The following TRANK1 variants were observed in gnomAD, a reference collection of about 807,000 sequenced individuals.
TRANK1 encodes TPR and ankyrin repeat-containing protein 1.
In TRANK1, 198 loss-of-function variants were observed where a neutral mutation model predicts 266.0. That is an observed-to-expected ratio of 0.74 (90% CI 0.66 to 0.84). TRANK1 has a LOEUF of 0.84. Ranked by LOEUF, TRANK1 falls within the 40% of genes least tolerant of loss-of-function variation. TRANK1 has a pLI of 0.00. For synonymous variants in TRANK1, 1,396 were observed against 1,384.1 expected (o/e 1.01, Z -0.19); for missense variants, 3,326 against 3,634.6 (o/e 0.92, Z 2.18).
intron 10 of TRANK1, among the ~76,000 whole-genome samples, chr3:36,862,488 T>G (rs949309212): frequency 6.6e-6 from 1 of 152,206 alleles, no homozygotes; most frequent in African/African-American, 2.4e-5. Context: ...ATTTGCAATT[T>G]TTGTCCCCGG....
chr3:36,879,765 T>C (rs2079464587), intron 8 of TRANK1, among the ~76,000 whole-genome samples: 1 of 104,756 alleles, frequency 9.5e-6, no homozygotes, highest in Non-Finnish European at 1.8e-5. Flanking sequence ...TATATAAATA[T>C]ATATAAATAT....
At chr3:36,888,309 A>G (rs538539138) in intron 8 of TRANK1, among the ~76,000 whole-genome samples, 1 of 152,298 alleles carries the variant, frequency 6.6e-6, no homozygotes, top group Non-Finnish European at 1.5e-5. Flanking sequence ...AGAGACAAAA[A>G]GTGGTGATTG....
In TRANK1 at chr3:36,856,977, A is replaced by G. The variant is rs1359571034; in HGVS notation, c.2745T>C (p.Pro915=). Reference sequence around the variant, plus strand: ...TCTGCTCCGTGGCAATGATCTTCTCAGGGTTCTCACTGCATCGAGGGGAGA... The same window carrying G: ...TCTGCTCCGTGGCAATGATCTTCTCGGGGTTCTCACTGCATCGAGGGGAGA... The part of the protein sequence containing the change: ...IDFSPRCSEN[P]EKIIATEQNT... Residue 915 remains proline, a synonymous_variant, in exon 13 of 24, where the codon CCT becomes CCC. Coordinates refer to ENST00000645898, the MANE Select transcript of TRANK1 (RefSeq NM_001329998.2). 6.2e-7 allele frequency: 1 copy of G among 1,613,578 alleles called. No individual in the cohort carries two copies. Among genetic ancestry groups the G allele is most frequent in the African/African-American group, 1.3e-5 (1 of 74,850 alleles).
intron 20 of TRANK1, among the ~76,000 whole-genome samples, chr3:36,837,366 G>A (rs559284564): frequency 4.3e-4 from 66 of 152,160 alleles, no homozygotes; most frequent in Admixed American, 8.5e-4. Flanking sequence ...CCTCTTCTTC[G>A]CATTGACTTG....
At chr3:36,898,876 C>T (rs905863386) in intron 4 of TRANK1, among the ~76,000 whole-genome samples, 1 of 150,802 alleles carries the variant, frequency 6.6e-6, no homozygotes, top group African/African-American at 2.5e-5. Flanking sequence ...AATCTGAAAC[C>T]AAACTCTCAA....
intron 1 of TRANK1, among the ~76,000 whole-genome samples, chr3:36,914,372 T>C (rs2080096434): frequency 1.3e-5 from 2 of 151,684 alleles, no homozygotes; most frequent in Non-Finnish European, 2.9e-5. Context: ...TGAGCTCAAG[T>C]GAGCGCTCAG....
intron 3 of TRANK1, among the ~76,000 whole-genome samples, 159 bp from the exon 4 acceptor site, chr3:36,899,418 A>T (rs971932444): frequency 5.3e-5 from 8 of 152,250 alleles, no homozygotes; most frequent in Non-Finnish European, 4.4e-5. Context: ...ATTCCGAGAG[A>T]TCAAGGCAGG....
At chr3:36,877,231 T>C (rs2079403154) in intron 8 of TRANK1, among the ~76,000 whole-genome samples, 1 of 152,228 alleles carries the variant, frequency 6.6e-6, no homozygotes, top group Non-Finnish European at 1.5e-5. Context: ...TAGCACATCT[T>C]AAACATATAC....
intron 1 of TRANK1, among the ~76,000 whole-genome samples, chr3:36,918,391 C>G (rs770460895): frequency 2.7e-5 from 4 of 150,402 alleles, no homozygotes; most frequent in East Asian, 3.9e-4. Context: ...AGATGGCAAA[C>G]TATGTTTTGT....
At chr3:36,877,045 C>T (rs545884568) in intron 8 of TRANK1, among the ~76,000 whole-genome samples, 54 of 152,296 alleles carry the variant, frequency 3.5e-4, no homozygotes, top group Non-Finnish European at 7.4e-4. Flanking sequence ...CCAACTGACA[C>T]TGCAATTTTT....
intron 8 of TRANK1, among the ~76,000 whole-genome samples, chr3:36,885,502 C>T (rs915989921): frequency 3.3e-5 from 5 of 152,114 alleles, no homozygotes; most frequent in African/African-American, 2.4e-5. Flanking sequence ...AGAAAAGGTA[C>T]GTTAGTGAAA....
intron 8 of TRANK1, among the ~76,000 whole-genome samples, chr3:36,879,839 CAAATATATGTAAAT>C (rs1559448978): frequency 5.1e-5 from 5 of 97,644 alleles, no homozygotes; most frequent in South Asian, 3.0e-4. Flanking sequence ...TGTAAATATA[CAAATATATGTAAAT>C]ATACAAATAT....
At chr3:36,870,949 T>A in intron 9 of TRANK1, among the ~76,000 whole-genome samples, 1 of 126,198 alleles carries the variant, frequency 7.9e-6, no homozygotes. Context: ...AGGATTGTAT[T>A]ATACAAGGAA....
rs1443824494 is a variant in TRANK1, at chr3:36,864,411, T to C, written c.1148A>G (p.Lys383Arg). 1.3e-6 allele frequency: 2 copies of C among 1,537,036 alleles called. No homozygotes were observed. The highest frequency in any genetic ancestry group is 2.0e-5 in the Admixed American group (1 of 50,960). The change falls in exon 10 of 24, where the codon AAG becomes AGG. Residue 383 changes from lysine to arginine, a missense_variant. Lys to Arg is a conservative substitution (Grantham distance 26). Transcript: ENST00000645898. ...IFRKVLEQLV[K>R]YMNSGNRLLH... ...TAACCGGTTTCCTGAGTTCATATAC[T>C]TCACCAGCTGCTCCAAGACCTTCCT...
rs535671565 is a variant in TRANK1 at position 36,895,619 on chromosome 3, G to C, written c.552+21C>G. ...CATCAAGAATGTACTCTCCCCGTGA[G>C]AGCCATCTCCTTTTACTTACATGCC... On this transcript the variant is annotated intron_variant, in intron 5 of 23. Transcript: ENST00000645898. The C allele has an allele frequency of 4.2e-4, 591 of 1,418,454 alleles. 2 individuals are homozygous for C. In the South Asian group the frequency reaches 7.0e-3, roughly 17 times the overall value. The allele number at this position is 1,418,454 out of a possible 1,614,324, so 87.9% of individuals were successfully genotyped here. A position where few individuals can be genotyped will look rare whatever the true frequency, so the allele number is the denominator to read the frequency against.
intron 8 of TRANK1, among the ~76,000 whole-genome samples, chr3:36,889,102 G>T (rs915509536): frequency 2.0e-5 from 3 of 152,152 alleles, no homozygotes; most frequent in African/African-American, 7.2e-5. Flanking sequence ...GCCCAGCCTG[G>T]TTCCTATGAT....
At position 36,855,667 on chromosome 3, in the gene TRANK1, G is replaced by A. The variant is rs1448987598; in HGVS notation, c.4055C>T (p.Ser1352Phe). 6.2e-7 allele frequency: 1 copy of A among 1,613,676 alleles called. No homozygotes were observed. The highest frequency in any genetic ancestry group is 1.1e-5 in the South Asian group (1 of 91,080). ...NPALIWKEIK[S>F]FLKGSFEALS... is the part of the protein sequence containing the mutation. ...GGCCTCAAAAGAACCCTTTAGAAAA[G>A]ATTTTATTTCTTTCCAAATCAGTGC... The change falls in exon 13 of 24, where the codon TCT becomes TTT. Residue 1352 changes from serine to phenylalanine, a missense_variant. By Grantham distance (155) the Ser-to-Phe change is radical. Transcript: ENST00000645898.
At chr3:36,915,928 G>A (rs1053115302) in intron 1 of TRANK1, among the ~76,000 whole-genome samples, 2 of 152,188 alleles carry the variant, frequency 1.3e-5, no homozygotes, top group Non-Finnish European at 2.9e-5. Flanking sequence ...AGGTGAGTAG[G>A]ATGCAAAAGT....
Position 36,832,716 on chromosome 3 carries a change from G to C in TRANK1, c.6867C>G (p.Cys2289Trp), listed in dbSNP as rs1198347182. The change falls in exon 22 of 24, where the codon TGC becomes TGG. Residue 2289 changes from cysteine to tryptophan, a missense_variant. Cys to Trp is a radical substitution (Grantham distance 215). Transcript: ENST00000645898. ...QRVLSENPMA[C>W]KEILKPNYKS... is the part of the protein sequence containing the mutation. ...TGTAATTTGGTTTGAGGATTTCTTT[G>C]CATGCCATGGGGTTTTCTGACAACA... is the stretch of plus-strand genomic sequence containing the variant. The C allele has an allele frequency of 6.2e-7, 1 of 1,614,014 alleles. No homozygotes were observed.
Sources: gnomAD v4.1 joint callset for allele counts (sites outside exome capture counted in the v4.1 genomes callset) on GRCh38, gnomAD v4.1.1 for gene constraint, MANE v1.5 for transcripts, NCBI Gene and HGNC (gene_info 2026-07-23, HGNC 2026-07-21) for gene names.